RORA: variants seen among roughly 807,000 people sequenced by gnomAD.
RORA encodes the protein nuclear receptor ROR-alpha.
RORA carries 7 observed loss-of-function variants against 69.5 expected under a neutral mutation model. The observed-to-expected ratio is 0.10, with a 90% CI of 0.06 to 0.19. The LOEUF is 0.19. Ranked by LOEUF, RORA falls within the 10% of genes least tolerant of loss-of-function variation. The pLI is 1.00. For missense variants in RORA, 457 were observed against 663.0 expected (o/e 0.69, Z 3.41); for synonymous variants, 261 against 240.8 (o/e 1.08, Z -0.78).
At chr15:60,968,236 C>A (rs1027881378) in intron 1 of RORA, among the ~76,000 whole-genome samples, 2 of 152,172 alleles carry the variant, frequency 1.3e-5, no homozygotes, top group Non-Finnish European at 2.9e-5. Context: ...TGGAAACCTG[C>A]TGAGCTGACT....
chr15:61,034,205 T>C (rs1896333572), intron 1 of RORA, among the ~76,000 whole-genome samples: 1 of 152,080 alleles, frequency 6.6e-6, no homozygotes, highest in African/African-American at 2.4e-5. Context: ...TGTGTTGAAA[T>C]TGCAGCTATA....
chr15:60,688,568 T>C (rs892928173), intron 1 of RORA, among the ~76,000 whole-genome samples: 3 of 152,222 alleles, frequency 2.0e-5, no homozygotes, highest in Middle Eastern at 3.2e-3. Flanking sequence ...AAGTACTAAT[T>C]GCATTATCCT....
intron 1 of RORA, among the ~76,000 whole-genome samples, chr15:60,812,885 C>T (rs1451604526): frequency 6.6e-6 from 1 of 152,182 alleles, no homozygotes; most frequent in Admixed American, 6.5e-5. Flanking sequence ...GGGGCATGTC[C>T]TATCATTGTA....
chr15:61,154,959 C>A (rs373838861), intron 1 of RORA, among the ~76,000 whole-genome samples: 1 of 152,168 alleles, frequency 6.6e-6, no homozygotes. Context: ...GAGATTATCA[C>A]GTTCCCGGAT....
chr15:60,604,700 A>G (rs892845175), intron 2 of RORA, among the ~76,000 whole-genome samples: 2 of 152,212 alleles, frequency 1.3e-5, no homozygotes, highest in Non-Finnish European at 2.9e-5. Context: ...GCATGTATGG[A>G]AGAAAAAGCA....
At chr15:60,665,484 T>G (rs2070365729) in intron 2 of RORA, among the ~76,000 whole-genome samples, 1 of 152,194 alleles carries the variant, frequency 6.6e-6, no homozygotes, top group Non-Finnish European at 1.5e-5. Flanking sequence ...TTTTTAAACC[T>G]CTCGATAAGA....
At chr15:60,649,029 CATA>C (rs1381764250) in intron 2 of RORA, among the ~76,000 whole-genome samples, 1 of 152,108 alleles carries the variant, frequency 6.6e-6, no homozygotes, top group African/African-American at 2.4e-5. Flanking sequence ...GTGGGGCACT[CATA>C]ATCTCAGAAG....
At chr15:61,068,358 T>G (rs894379712) in intron 1 of RORA, among the ~76,000 whole-genome samples, 4 of 152,232 alleles carry the variant, frequency 2.6e-5, no homozygotes, top group Admixed American at 6.5e-5. Flanking sequence ...GAAGTAACAT[T>G]GTATATCTAA....
chr15:61,157,590 A>G (rs1234412955), intron 1 of RORA, among the ~76,000 whole-genome samples: 1 of 152,186 alleles, frequency 6.6e-6, no homozygotes, highest in Non-Finnish European at 1.5e-5. Context: ...GATTTAAGGG[A>G]CAGCCCTCCT....
At chr15:60,866,985 C>T (rs1331474007) in intron 1 of RORA, among the ~76,000 whole-genome samples, 1 of 152,080 alleles carries the variant, frequency 6.6e-6, no homozygotes. Flanking sequence ...CATGCCTCAG[C>T]CTCCCGGGTA....
intron 1 of RORA, among the ~76,000 whole-genome samples, chr15:61,187,943 C>G (rs1353675709): frequency 6.6e-6 from 1 of 152,136 alleles, no homozygotes; most frequent in African/African-American, 2.4e-5. Context: ...CATCCTCTCC[C>G]TCAACCCTCC....
At chr15:60,686,218 C>T (rs1290048544) in intron 1 of RORA, among the ~76,000 whole-genome samples, 1 of 152,212 alleles carries the variant, frequency 6.6e-6, no homozygotes, top group Non-Finnish European at 1.5e-5. Context: ...GACAAAGCCT[C>T]ATTCCGGGTT....
intron 1 of RORA, among the ~76,000 whole-genome samples, chr15:60,703,401 T>C (rs2071014369): frequency 6.6e-6 from 1 of 152,142 alleles, no homozygotes; most frequent in African/African-American, 2.4e-5. Flanking sequence ...GAAAGCCAGT[T>C]GCTTTGCTGG....
At chr15:61,140,982 G>T (rs2079292290) in intron 1 of RORA, among the ~76,000 whole-genome samples, 3 of 152,090 alleles carry the variant, frequency 2.0e-5, no homozygotes, top group Admixed American at 2.0e-4. Flanking sequence ...TTTCACACAA[G>T]AAACCTCCTT....
chr15:60,825,050 G>C (rs967841280), intron 1 of RORA, among the ~76,000 whole-genome samples: 14 of 152,314 alleles, frequency 9.2e-5, no homozygotes, highest in Admixed American at 2.6e-4. Context: ...CAAGTGATGA[G>C]AGCATTGTTG....
intron 1 of RORA, among the ~76,000 whole-genome samples, chr15:60,943,381 TGTA>T (rs781101352): frequency 9.0e-4 from 137 of 152,276 alleles, no homozygotes; most frequent in Non-Finnish European, 1.1e-3. Flanking sequence ...TTCTGGCTCT[TGTA>T]GTCACTCTTC....
chr15:60,869,053 C>A (rs2073523214), intron 1 of RORA, among the ~76,000 whole-genome samples: 1 of 152,064 alleles, frequency 6.6e-6, no homozygotes, highest in East Asian at 1.9e-4. Flanking sequence ...CATCAGGCAC[C>A]CCCCCATTAT....
At chr15:60,592,489 C>G (rs1414403169) in intron 2 of RORA, 14 of 1,329,880 alleles carry the variant, frequency 1.1e-5, no homozygotes, top group Non-Finnish European at 1.3e-5. Flanking sequence ...CGCCGCCGCG[C>G]CGCCGCCGCC....
rs549206782 is a variant in RORA, at chr15:61,193,842, C to T, written c.166+35211G>A. On this transcript the variant is annotated intron_variant, in intron 1 of 10. Transcript: ENST00000335670. ...CACCAGTCCCAGCTTAATGCATTTC[C>T]ACCATATGCCACCTTGAGACACTAA... Among the ~76,000 whole-genome samples the T allele has an allele frequency of 4.6e-5, 7 of 152,294 alleles. No individual in the cohort carries two copies. In the East Asian group the frequency reaches 1.2e-3, roughly 25 times the overall value.
Sources: allele counts gnomAD v4.1 joint callset (sites outside exome capture counted in the v4.1 genomes callset), GRCh38; gene constraint gnomAD v4.1.1; transcripts MANE v1.5; gene names NCBI Gene and HGNC (gene_info 2026-07-23, HGNC 2026-07-21).